Variants in PRKG1 observed in about 807,000 individuals in gnomAD.
PRKG1 encodes the protein protein kinase cGMP-dependent 1.
A neutral mutation model predicts 88.1 loss-of-function variants in PRKG1; 35 were observed. That is an observed-to-expected ratio of 0.40 (90% CI 0.30 to 0.53). The LOEUF (loss-of-function observed/expected upper bound fraction) is 0.53. Ranked by LOEUF, PRKG1 falls within the 20% of genes least tolerant of loss-of-function variation. The probability of loss-of-function intolerance (pLI) is 0.59; values close to 1 mark genes in which losing one functional copy is unlikely to be tolerated. For missense variants in PRKG1, 540 were observed against 839.8 expected (o/e 0.64, Z 4.41); for synonymous variants, 303 against 292.5 (o/e 1.04, Z -0.37).
chr10:51,677,022 T>C (rs557222079), intron 3 of PRKG1, among the ~76,000 whole-genome samples: 1 of 152,146 alleles, frequency 6.6e-6, no homozygotes, highest in Non-Finnish European at 1.5e-5. Context: ...TAAAGCCCCC[T>C]GTATGTGCCC....
intron 3 of PRKG1, among the ~76,000 whole-genome samples, chr10:51,628,180 T>C (rs1839423220): frequency 6.7e-6 from 1 of 149,456 alleles, no homozygotes; most frequent in East Asian, 2.0e-4. Context: ...TTCTTTTCTT[T>C]CTTTTCTTTC....
At chr10:51,654,905 C>T (rs1840126220) in intron 3 of PRKG1, among the ~76,000 whole-genome samples, 1 of 152,160 alleles carries the variant, frequency 6.6e-6, no homozygotes, top group South Asian at 2.1e-4. Context: ...GGGTGCATGT[C>T]TTCTTGTTAG....
Position 52,039,230 on chromosome 10 carries a change from G to A in PRKG1, c.763-15254G>A, listed in dbSNP as rs562775535. ...AAAGAGAGTCGGTGAAGGGAGATAG[G>A]GGTGGGGCCATTTTATAGGATCTGG... On this transcript the variant is annotated intron_variant, in intron 5 of 17. Coordinates refer to ENST00000373980, the MANE Select transcript of PRKG1 (RefSeq NM_006258.4). Among the ~76,000 whole-genome samples the A allele has an allele frequency of 3.3e-4, 50 of 152,258 alleles. 1 individual carries two copies. The South Asian group carries it at 1.0e-2, about 30-fold the overall frequency.
chr10:51,006,413 G>A (rs978165423), intron 1 of PRKG1, among the ~76,000 whole-genome samples: 2 of 152,080 alleles, frequency 1.3e-5, no homozygotes, highest in Non-Finnish European at 2.9e-5. Flanking sequence ...CTTATAGAAT[G>A]TAGTCATTCA....
chr10:52,024,384 G>A (rs1845278169), intron 5 of PRKG1, among the ~76,000 whole-genome samples: 1 of 151,352 alleles, frequency 6.6e-6, no homozygotes, highest in African/African-American at 2.4e-5. Flanking sequence ...CAACGTGCAG[G>A]TTTTTAACAT....
chr10:51,821,217 A>T (rs1839736658), intron 4 of PRKG1, among the ~76,000 whole-genome samples: 1 of 152,116 alleles, frequency 6.6e-6, no homozygotes, highest in Non-Finnish European at 1.5e-5. Context: ...CTCTTGCATA[A>T]ATATGCCACC....
At chr10:52,275,231 G>A (rs999617622) in intron 12 of PRKG1, among the ~76,000 whole-genome samples, 2 of 152,044 alleles carry the variant, frequency 1.3e-5, no homozygotes, top group Admixed American at 1.3e-4. Context: ...TTTGCTTTTG[G>A]GTTCTTGGTC....
intron 2 of PRKG1, among the ~76,000 whole-genome samples, chr10:51,437,691 T>G (rs1838975538): frequency 6.6e-6 from 1 of 151,750 alleles, no homozygotes; most frequent in Non-Finnish European, 1.5e-5. Context: ...ATAAAGAGTT[T>G]TTTTTCCAAA....
chr10:52,005,602 T>A (rs908551387), intron 5 of PRKG1, among the ~76,000 whole-genome samples: 1 of 152,138 alleles, frequency 6.6e-6, no homozygotes, highest in Non-Finnish European at 1.5e-5. Flanking sequence ...GACAGTAACA[T>A]GGGCATTTCC....
intron 2 of PRKG1, among the ~76,000 whole-genome samples, chr10:51,182,891 C>G (rs961514989): frequency 2.6e-5 from 4 of 152,046 alleles, no homozygotes; most frequent in African/African-American, 9.7e-5. Flanking sequence ...ATCCTTGCTC[C>G]TGGGAATGGG....
chr10:51,463,504 A>G (rs1265961536), intron 2 of PRKG1, among the ~76,000 whole-genome samples: 1 of 152,204 alleles, frequency 6.6e-6, no homozygotes, highest in Non-Finnish European at 1.5e-5. Context: ...AGAAAAAAAG[A>G]CACAACTCCT....
At chr10:51,130,827 G>A (rs1170485517) in intron 1 of PRKG1, among the ~76,000 whole-genome samples, 1 of 151,958 alleles carries the variant, frequency 6.6e-6, no homozygotes, top group Non-Finnish European at 1.5e-5. Flanking sequence ...GCTTGAACCC[G>A]GGAGGCAGAG....
At chr10:51,067,284 A>ATATG (rs1843764622) in intron 1 of PRKG1, among the ~76,000 whole-genome samples, 2 of 151,024 alleles carry the variant, frequency 1.3e-5, no homozygotes, top group South Asian at 4.2e-4. Flanking sequence ...ATATATATAT[A>ATATG]TATATATATG....
intron 2 of PRKG1, among the ~76,000 whole-genome samples, chr10:51,465,061 A>G (rs1486498591): frequency 1.3e-5 from 2 of 152,206 alleles, no homozygotes; most frequent in Non-Finnish European, 2.9e-5. Flanking sequence ...GAAACCCATC[A>G]GTGTTATATG....
intron 1 of PRKG1, among the ~76,000 whole-genome samples, chr10:51,056,401 G>A (rs768122185): frequency 6.6e-6 from 1 of 152,174 alleles, no homozygotes; most frequent in African/African-American, 2.4e-5. Flanking sequence ...TGTTAAACGT[G>A]CAGCAGTTTA....
chr10:51,111,430 T>C (rs1244595675), intron 1 of PRKG1, among the ~76,000 whole-genome samples: 1 of 152,096 alleles, frequency 6.6e-6, no homozygotes, highest in African/African-American at 2.4e-5. Context: ...CCAGTTACCC[T>C]GTTGATTTTT....
At chr10:52,241,028 T>C (rs181556974) in intron 9 of PRKG1, among the ~76,000 whole-genome samples, 1 of 152,272 alleles carries the variant, frequency 6.6e-6, no homozygotes, top group Non-Finnish European at 1.5e-5. Flanking sequence ...ATCGAGTCTG[T>C]TTTTCACACA....
chr10:52,243,881 A>C (rs1254860690), intron 9 of PRKG1, among the ~76,000 whole-genome samples: 1 of 152,146 alleles, frequency 6.6e-6, no homozygotes. Flanking sequence ...ATAGCTCCTC[A>C]AGAAAATGTA....
At chr10:51,148,881 T>G (rs1349576620) in intron 1 of PRKG1, among the ~76,000 whole-genome samples, 1 of 152,170 alleles carries the variant, frequency 6.6e-6, no homozygotes, top group African/African-American at 2.4e-5. Context: ...TTATGTCTGT[T>G]ATATTGTCTA....
Sources: allele counts gnomAD v4.1 joint callset (sites outside exome capture counted in the v4.1 genomes callset), GRCh38; gene constraint gnomAD v4.1.1; transcripts MANE v1.5; gene names NCBI Gene and HGNC (gene_info 2026-07-23, HGNC 2026-07-21).